The following PPFIA2 variants were observed in gnomAD, a reference collection of about 807,000 sequenced individuals.
The protein encoded by PPFIA2 is PPFI scaffold protein A2.
Under a neutral mutation model 175.5 loss-of-function variants are expected in PPFIA2, and 46 were observed. The observed-to-expected ratio is 0.26, with a 90% confidence interval of 0.21 to 0.34. The LOEUF (loss-of-function observed/expected upper bound fraction) is 0.34. Among genes scored for constraint, PPFIA2 ranks in the 10% least tolerant of loss-of-function variants. The pLI is 1.00. For synonymous variants in PPFIA2, 568 were observed against 511.4 expected, an observed-to-expected ratio of 1.11 and a Z score of -1.49; for missense variants, 1,179 against 1,506.1, an observed-to-expected ratio of 0.78 and a Z score of 3.60.
At chr12:81,259,830 C>G in intron 32 of PPFIA2, 170 bp from the exon 33 acceptor site, 1 of 464,520 alleles carries the variant, frequency 2.2e-6, no homozygotes, top group Non-Finnish European at 3.7e-6. Flanking sequence ...TTAACATTTG[C>G]TTTTCTCCAA....
intron 15 of PPFIA2, among the ~76,000 whole-genome samples, chr12:81,362,415 C>A (rs1238941966): frequency 2.0e-5 from 3 of 151,060 alleles, no homozygotes; most frequent in African/African-American, 4.8e-5. Flanking sequence ...AGTTCAATTT[C>A]TTCAATTAAG....
At chr12:81,459,401 C>A (rs1173920932) in intron 4 of PPFIA2, among the ~76,000 whole-genome samples, 1 of 152,034 alleles carries the variant, frequency 6.6e-6, no homozygotes, top group Non-Finnish European at 1.5e-5. Flanking sequence ...CAGAAAAAAT[C>A]TTATACTTAT....
In PPFIA2 at chr12:81,651,078, G is replaced by A. The variant is rs117399504; in HGVS notation, c.303+25713C>T. ...TGGAGGGAATCATAGTTGAGAGACT[G>A]TAGTAGGAGATATAATGTACTAATT... On this transcript the variant is annotated intron_variant, in intron 4 of 32. Coordinates refer to ENST00000549396, the MANE Select transcript of PPFIA2 (RefSeq NM_003625.5). 1.8e-3 allele frequency among the ~76,000 whole-genome samples: 270 copies of A among 152,306 alleles called. 1 individual carries two copies. Among genetic ancestry groups the A allele is most frequent in the Middle Eastern group, 0.01 (3 of 294 alleles).
chr12:81,408,244 A>G (rs901335697), intron 7 of PPFIA2, among the ~76,000 whole-genome samples: 14 of 152,170 alleles, frequency 9.2e-5, no homozygotes, highest in Non-Finnish European at 8.8e-5. Flanking sequence ...CTCTTAACTT[A>G]TTGCTTTTTG....
chr12:81,427,612 A>T (rs1250670476), intron 7 of PPFIA2, among the ~76,000 whole-genome samples: 1 of 152,062 alleles, frequency 6.6e-6, no homozygotes, highest in Non-Finnish European at 1.5e-5. Flanking sequence ...AAAATACAAA[A>T]AAAAGGAGAT....
chr12:81,719,360 A>G (rs1455721994), intron 3 of PPFIA2, among the ~76,000 whole-genome samples: 3 of 151,676 alleles, frequency 2.0e-5, no homozygotes, highest in Admixed American at 1.3e-4. Context: ...GCTCTACCTT[A>G]AATGGTCCAT....
intron 7 of PPFIA2, among the ~76,000 whole-genome samples, chr12:81,435,621 TGATA>T (rs992052678): frequency 2.1e-4 from 32 of 152,114 alleles, no homozygotes; most frequent in African/African-American, 4.3e-4. Context: ...TATATAATAA[TGATA>T]GATAGATGAG....
At chr12:81,432,493 T>C (rs117738802) in intron 7 of PPFIA2, among the ~76,000 whole-genome samples, 13,197 of 147,662 alleles carry the variant, frequency 0.089, 823 homozygotes, top group Middle Eastern at 0.17. Flanking sequence ...CAATACAGAG[T>C]CTTGCTCTGT....
intron 26 of PPFIA2, 184 bp downstream of exon 26, chr12:81,282,826 A>G (rs1173169135): frequency 2.3e-6 from 1 of 431,120 alleles, no homozygotes; most frequent in African/African-American, 2.0e-5. Flanking sequence ...ATCTTATTTT[A>G]AAAATATGGT....
intron 15 of PPFIA2, among the ~76,000 whole-genome samples, chr12:81,362,196 T>C (rs1203673417): frequency 6.6e-6 from 1 of 151,250 alleles, no homozygotes; most frequent in African/African-American, 2.4e-5. Flanking sequence ...TCTTTTTTTT[T>C]TTTGCAATTA....
At chr12:81,600,580 T>C (rs1567523810) in intron 4 of PPFIA2, among the ~76,000 whole-genome samples, 1 of 152,026 alleles carries the variant, frequency 6.6e-6, no homozygotes, top group Non-Finnish European at 1.5e-5. Context: ...TTCAAATTAA[T>C]ATTTTTCCCT....
chr12:81,536,358 C>T (rs1280629025), intron 4 of PPFIA2, among the ~76,000 whole-genome samples: 1 of 151,496 alleles, frequency 6.6e-6, no homozygotes, highest in Admixed American at 6.6e-5. Context: ...TTATCTGAAA[C>T]TTTTATGGTG....
At position 81,362,504 on chromosome 12, in the gene PPFIA2, AG is replaced by A. The variant is rs558560974; in HGVS notation, c.1637+188del. ...TTTTAATTTTTTATTGATTATCTACAGAAATAATCTCTAAGTTAAAAAGTTA... is the reference window on the plus strand; with the variant it reads ...TTTTAATTTTTTATTGATTATCTACAAAATAATCTCTAAGTTAAAAAGTTA... On this transcript the variant is annotated intron_variant, in intron 15 of 32. Transcript: ENST00000549396. Among the ~76,000 whole-genome samples, 388 of 151,670 alleles carry A rather than the reference AG, an allele frequency of 2.6e-3. 1 individual carries two copies. Among genetic ancestry groups the A allele is most frequent in the African/African-American group, 9.0e-3 (374 of 41,502 alleles).
intron 22 of PPFIA2, among the ~76,000 whole-genome samples, chr12:81,312,732 C>A (rs1594621927): frequency 6.6e-6 from 1 of 152,312 alleles, no homozygotes; most frequent in East Asian, 1.9e-4. Context: ...TTAGCAGATT[C>A]TGATCTTCAA....
At chr12:81,708,038 G>T (rs1284756731) in intron 3 of PPFIA2, among the ~76,000 whole-genome samples, 2 of 115,112 alleles carry the variant, frequency 1.7e-5, no homozygotes, top group Non-Finnish European at 3.4e-5. Flanking sequence ...GGGGGGAGGG[G>T]GGAGGGATAG....
intron 4 of PPFIA2, among the ~76,000 whole-genome samples, chr12:81,601,665 C>G (rs1046430266): frequency 1.3e-5 from 2 of 151,666 alleles, no homozygotes. Context: ...AGGAACTGAA[C>G]AGTCTTGGAG....
intron 4 of PPFIA2, among the ~76,000 whole-genome samples, chr12:81,505,342 T>A (rs932998632): frequency 6.6e-6 from 1 of 151,530 alleles, no homozygotes; most frequent in African/African-American, 2.4e-5. Flanking sequence ...AATAAGAGGT[T>A]CAGTTGAATA....
chr12:81,392,262 T>C (rs181897839), intron 8 of PPFIA2, among the ~76,000 whole-genome samples: 200 of 151,936 alleles, frequency 1.3e-3, no homozygotes, highest in African/African-American at 4.6e-3. Context: ...ATTAGAAAGA[T>C]GGAGTTGCTA....
chr12:81,281,046 T>C (rs2041985599), intron 27 of PPFIA2, among the ~76,000 whole-genome samples: 1 of 152,058 alleles, frequency 6.6e-6, no homozygotes, highest in African/African-American at 2.4e-5. Context: ...TTCCATAAAC[T>C]TTGGGCACAT....
Sources: allele counts gnomAD v4.1 joint callset (sites outside exome capture counted in the v4.1 genomes callset), GRCh38; gene constraint gnomAD v4.1.1; transcripts MANE v1.5; gene names NCBI Gene and HGNC (gene_info 2026-07-23, HGNC 2026-07-21).